The following AASS variants were observed in gnomAD, a reference collection of about 807,000 sequenced individuals.
The protein encoded by AASS is aminoadipate-semialdehyde synthase.
In AASS, 86 loss-of-function variants were observed where a neutral mutation model predicts 105.4. That is an observed-to-expected ratio of 0.82 (90% confidence interval 0.69 to 0.98). The LOEUF is 0.98. Among genes scored for constraint, AASS ranks in the 50% least tolerant of loss-of-function variants. The probability of loss-of-function intolerance (pLI) is 0.00; values close to 1 mark genes in which losing one functional copy is unlikely to be tolerated. For missense variants in AASS, 1,048 were observed against 1,143.2 expected, an observed-to-expected ratio of 0.92 and a Z score of 1.20; for synonymous variants, 381 against 394.8, an observed-to-expected ratio of 0.96 and a Z score of 0.41.
At chr7:122,087,656 G>A (rs948540815) in intron 18 of AASS, among the ~76,000 whole-genome samples, 1 of 152,152 alleles carries the variant, frequency 6.6e-6, no homozygotes, top group African/African-American at 2.4e-5. Context: ...GAGCCCAGGA[G>A]TTTGAGAATA....
chr7:122,143,540 C>A (rs1174348798), intron 1 of AASS, among the ~76,000 whole-genome samples: 5 of 151,436 alleles, frequency 3.3e-5, no homozygotes, highest in Non-Finnish European at 7.4e-5. Context: ...TTCAGGAAAC[C>A]CAGACTTGCA....
chr7:122,126,350 G>A (rs1795655264), intron 4 of AASS, 25 bp downstream of exon 4: 1 of 1,602,992 alleles, frequency 6.2e-7, no homozygotes, highest in Non-Finnish European at 8.5e-7. Flanking sequence ...TAGGAAGTGG[G>A]TGATGTAAGC....
Position 122,117,898 on chromosome 7 carries a change from C to T in AASS, c.687+409G>A, listed in dbSNP as rs149962576. ...CTCGAACTCCTGACCTCAGGTGATC[C>T]GCCTGCCTCGGCCTCCCAAAGCACT... On this transcript the variant is annotated intron_variant, in intron 6 of 23. Coordinates refer to ENST00000417368, the MANE Select transcript of AASS (RefSeq NM_005763.4). Among the ~76,000 whole-genome samples, 42 of 152,054 alleles carry T rather than the reference C, an allele frequency of 2.8e-4. No homozygotes were observed. In the East Asian group the frequency reaches 7.8e-3, roughly 28 times the overall value.
At chr7:122,113,970 C>G (rs1352180529) in intron 9 of AASS, among the ~76,000 whole-genome samples, 5 of 139,732 alleles carry the variant, frequency 3.6e-5, no homozygotes, top group Non-Finnish European at 7.9e-5. Flanking sequence ...AAAAAGGAAA[C>G]AAACGCAGAA....
chr7:122,079,264 G>A (rs1187212128), intron 21 of AASS: 2 of 1,352,360 alleles, frequency 1.5e-6, no homozygotes, highest in Admixed American at 3.1e-5. Context: ...TATACCAGCA[G>A]GATGCCACAG....
intron 11 of AASS, among the ~76,000 whole-genome samples, chr7:122,104,277 C>T (rs1262861111): frequency 1.4e-5 from 2 of 142,136 alleles, no homozygotes; most frequent in African/African-American, 2.8e-5. Flanking sequence ...ATATATACAC[C>T]ATGGAATACT....
rs1258829883 is a variant in AASS, at chr7:122,081,511, G to C, written c.2269C>G (p.Pro757Ala). 1 of 1,613,272 alleles carries C rather than the reference G, an allele frequency of 6.2e-7. No individual in the cohort carries two copies. The highest frequency in any genetic ancestry group is 8.5e-7 in the Non-Finnish European group (1 of 1,179,240). ...ALPAFRPEAN[P>A]LTWKQLLCDL... is the part of the protein sequence containing the mutation. ...TCGGAGTCACTCACCCAGGTGAGAG[G>C]GTTGGCCTCAGGTCTAAAGGCAGGA... Residue 757 changes from proline (P) to alanine (A), a missense_variant, in exon 20 of 24, where the codon CCT becomes GCT. Coordinates refer to ENST00000417368, the MANE Select transcript of AASS (RefSeq NM_005763.4).
chr7:122,106,469 C>A (rs1234727597), intron 11 of AASS, among the ~76,000 whole-genome samples: 1 of 151,586 alleles, frequency 6.6e-6, no homozygotes, highest in Non-Finnish European at 1.5e-5. Flanking sequence ...CAAAAAAAAA[C>A]AGAGCTGGAG....
rs748827911 is a variant in AASS at position 122,125,550 on chromosome 7, G to A, written c.472+825C>T. Among the ~76,000 whole-genome samples the A allele has an allele frequency of 7.1e-4, 108 of 152,136 alleles. 1 individual carries two copies. The highest frequency in any genetic ancestry group is 5.0e-4 in the Non-Finnish European group (34 of 68,030). On this transcript the variant is annotated intron_variant, in intron 4 of 23. Coordinates refer to ENST00000417368, the MANE Select transcript of AASS (RefSeq NM_005763.4). The stretch of plus-strand genomic sequence containing the variant: ...GTGTCCGGTTTCCATTGGCTGGAAC[G>A]AGACCTCACGTTCTGTATTCGTTCC...
At chr7:122,128,950 C>T (rs1178929960) in intron 3 of AASS, among the ~76,000 whole-genome samples, 3 of 152,026 alleles carry the variant, frequency 2.0e-5, no homozygotes, top group South Asian at 2.1e-4. Context: ...TGTTGGCTGG[C>T]GCCTGTAGTC....
At chr7:122,094,091 G>A (rs769546564) in intron 15 of AASS, among the ~76,000 whole-genome samples, 1 of 152,102 alleles carries the variant, frequency 6.6e-6, no homozygotes, top group Non-Finnish European at 1.5e-5. Flanking sequence ...AGGACTACAA[G>A]AGGGAAGAGA....
At chr7:122,098,318 C>T (rs542897662) in intron 15 of AASS, 132 bp downstream of exon 15, 2 of 911,708 alleles carry the variant, frequency 2.2e-6, no homozygotes, top group East Asian at 5.2e-5. Context: ...GATTTGTGCA[C>T]CTTCTGGACC....
At chr7:122,109,826 AG>A (rs1461479407) in intron 11 of AASS, among the ~76,000 whole-genome samples, 1 of 152,104 alleles carries the variant, frequency 6.6e-6, no homozygotes, top group Non-Finnish European at 1.5e-5. Flanking sequence ...CAAACTAAAA[AG>A]CTTCTGCACA....
intron 22 of AASS, among the ~76,000 whole-genome samples, chr7:122,078,631 C>CTAAA (rs1373754249): frequency 1.3e-5 from 2 of 152,026 alleles, no homozygotes; most frequent in African/African-American, 4.8e-5. Flanking sequence ...AACTAACTAA[C>CTAAA]TAAATAAATA....
chr7:122,078,477 TGGCA>T (rs1793142023), intron 22 of AASS, among the ~76,000 whole-genome samples: 1 of 152,018 alleles, frequency 6.6e-6, no homozygotes, highest in Non-Finnish European at 1.5e-5. Flanking sequence ...CTGGGCATGG[TGGCA>T]GGCAACTGTA....
chr7:122,118,678 T>C, intron 4 of AASS, 48 bp from the exon 5 acceptor site: 1 of 1,578,392 alleles, frequency 6.3e-7, no homozygotes, highest in Non-Finnish European at 8.7e-7. Flanking sequence ...GGGAAGAATT[T>C]AAGCTGTTCT....
chr7:122,101,462 T>C, intron 12 of AASS, 24 bp from the exon 13 acceptor site: 7 of 1,588,230 alleles, frequency 4.4e-6, no homozygotes, highest in Non-Finnish European at 6.0e-6. Flanking sequence ...ACACAAGACA[T>C]TTCTTTAGTA....
At chr7:122,082,776 A>T (rs1163144348) in intron 19 of AASS, 1 of 1,257,902 alleles carries the variant, frequency 7.9e-7, no homozygotes, top group Non-Finnish European at 1.0e-6. Context: ...GCACAAAAGA[A>T]GGGGAACTCA....
At chr7:122,089,176 G>A (rs1056775116) in intron 18 of AASS, among the ~76,000 whole-genome samples, 6 of 152,148 alleles carry the variant, frequency 3.9e-5, no homozygotes, top group African/African-American at 7.2e-5. Flanking sequence ...ATACAAGAGA[G>A]GTTTTAAGTT....
Sources: gnomAD v4.1 joint callset for allele counts (sites outside exome capture counted in the v4.1 genomes callset) on GRCh38, gnomAD v4.1.1 for gene constraint, MANE v1.5 for transcripts, NCBI Gene and HGNC (gene_info 2026-07-23, HGNC 2026-07-21) for gene names.